The following PSMA4 variants were observed in gnomAD, a reference collection of about 807,000 sequenced individuals.
PSMA4 encodes the protein proteasome subunit alpha type-4.
A neutral mutation model predicts 37.2 loss-of-function variants in PSMA4; 8 were observed. That is an observed-to-expected ratio of 0.22 (90% CI 0.13 to 0.39). The LOEUF is 0.39. Ranked by LOEUF, PSMA4 falls within the 10% of genes least tolerant of loss-of-function variation. The probability of loss-of-function intolerance (pLI) is 1.00; values close to 1 mark genes in which losing one functional copy is unlikely to be tolerated. For synonymous variants in PSMA4, 93 were observed against 98.8 expected (o/e 0.94, Z 0.35); for missense variants, 169 against 305.1 (o/e 0.55, Z 3.32).
At chr15:78,541,583 G>C (rs1387782912) in intron 1 of PSMA4, 2 of 333,416 alleles carry the variant, frequency 6.0e-6, no homozygotes, top group South Asian at 2.6e-5. Flanking sequence ...CCTTATTTCT[G>C]CCTCTCCCAT....
rs749801980 is a variant in PSMA4 at position 78,548,953 on chromosome 15, A to G, written c.*9A>G. 1 of 1,598,858 alleles carries G rather than the reference A, an allele frequency of 6.3e-7. No individual in the cohort carries two copies. The highest frequency in any genetic ancestry group is 2.2e-5 in the East Asian group (1 of 44,726). Reference sequence around the variant, plus strand: ...AAGAAAAGGATAAATAGAATCAGAGATTTTATTACTCATTTGGGGCACCAT... The same window carrying G: ...AAGAAAAGGATAAATAGAATCAGAGGTTTTATTACTCATTTGGGGCACCAT... On this transcript the variant is annotated 3_prime_UTR_variant, in exon 9 of 9. Transcript: ENST00000044462.
chr15:78,541,529 T>G (rs2052452472), intron 1 of PSMA4: 1 of 260,074 alleles, frequency 3.8e-6, no homozygotes, highest in South Asian at 3.9e-5. Context: ...TGGAATGCCC[T>G]TCTTTCTTCC....
At position 78,546,561 on chromosome 15, in the gene PSMA4, T is replaced by C. The variant is rs1245540459; in HGVS notation, c.508-14T>C. On this transcript the variant is annotated splice_polypyrimidine_tract_variant and intron_variant, in intron 7 of 8. Transcript: ENST00000044462. ...GTAAAAACTTAAAATTCTATGTTGA[T>C]TCATGTTTTATAGGCAGCTGTGTCA... 5 of 1,569,094 alleles carry C rather than the reference T, an allele frequency of 3.2e-6. No individual in the cohort carries two copies. The highest frequency in any genetic ancestry group is 4.3e-6 in the Non-Finnish European group (5 of 1,167,388).
rs200102081 is a variant in PSMA4 at position 78,544,265 on chromosome 15, A to G, written c.285A>G (p.Gln95=). 8.7e-5 allele frequency: 140 copies of G among 1,606,026 alleles called. No individual in the cohort carries two copies. The East Asian group carries it at 3.1e-3, about 35-fold the overall frequency. ...VLTNELRLIA[Q]RYLLQYQEPI... is the part of the protein sequence containing the mutation. The stretch of plus-strand genomic sequence containing the variant: ...CTAATGAACTAAGGCTCATTGCTCA[A>G]AGGTATGGTCATAAATAGCATAACT... The change falls in exon 5 of 9, where the codon CAA becomes CAG. Residue 95 remains glutamine, a splice_region_variant and synonymous_variant. Coordinates refer to ENST00000044462, the MANE Select transcript of PSMA4 (RefSeq NM_002789.6).
chr15:78,546,621 C>A lies in PSMA4; in HGVS notation c.554C>A (p.Thr185Asn), dbSNP rs1567037856. 2 of 1,603,668 alleles carry A rather than the reference C, an allele frequency of 1.2e-6. No homozygotes were observed. ...LKQDYKEGEMTLKSALALAIK... is the reference protein window; with the variant it reads ...LKQDYKEGEMNLKSALALAIK... The stretch of plus-strand genomic sequence containing the variant: ...CAAGACTATAAAGAAGGAGAAATGA[C>A]CTTGAAGTCAGCACTTGCTTTAGCT... Residue 185 changes from threonine (T) to asparagine (N), a missense_variant, in exon 8 of 9, where the codon ACC becomes AAC. By Grantham distance (65) the Thr-to-Asn change is moderately conservative. This residue lies in a region of PSMA4 where 90 missense variants were observed against 92.7 expected (regional missense o/e 0.97). Transcript: ENST00000044462.
intron 8 of PSMA4, among the ~76,000 whole-genome samples, chr15:78,548,264 A>G (rs1478165781): frequency 6.6e-6 from 1 of 152,160 alleles, no homozygotes; most frequent in East Asian, 1.9e-4. Flanking sequence ...TGTCATTTAC[A>G]TGCAGATTGC....
intron 8 of PSMA4, among the ~76,000 whole-genome samples, chr15:78,547,482 T>C (rs2052573937): frequency 6.6e-6 from 1 of 152,252 alleles, no homozygotes; most frequent in African/African-American, 2.4e-5. Context: ...TAATCTCTTA[T>C]TTTAAGCTCA....
chr15:78,541,787 G>A, intron 1 of PSMA4, 118 bp from the exon 2 acceptor site: 2 of 847,600 alleles, frequency 2.4e-6, no homozygotes, highest in Admixed American at 2.4e-5. Flanking sequence ...CCAGCATCTA[G>A]CATAATGCCT....
rs1065640 is a variant in PSMA4 at position 78,548,915 on chromosome 15, G to A, written c.757G>A (p.Glu253Lys). Residue 253 changes from glutamate to lysine, a missense_variant, in exon 9 of 9, where the codon GAA becomes AAA. Glu to Lys is a moderately conservative substitution (Grantham distance 56). Around this residue, in one of 2 missense-constraint regions of PSMA4, gnomAD observed 90 missense variants for 92.7 expected, o/e 0.97. Coordinates refer to ENST00000044462, the MANE Select transcript of PSMA4 (RefSeq NM_002789.6). ...EEAKAEREKK[E>K]KEQKEKDK ...AGCCAAAGCTGAGCGTGAGAAGAAA[G>A]AAAAAGAACAGAAAGAAAAGGATAA... The A allele has an allele frequency of 1.2e-6, 2 of 1,606,924 alleles. No individual in the cohort carries two copies. The highest frequency in any genetic ancestry group is 1.7e-6 in the Non-Finnish European group (2 of 1,177,678).
At position 78,548,927 on chromosome 15, in the gene PSMA4, A is replaced by C; in HGVS notation, c.769A>C (p.Lys257Gln). The part of the protein sequence containing the change: ...AEREKKEKEQ[K>Q]EKDK ...GCGTGAGAAGAAAGAAAAAGAACAG[A>C]AAGAAAAGGATAAATAGAATCAGAG... The change falls in exon 9 of 9, where the codon AAA becomes CAA. Residue 257 changes from lysine to glutamine, a missense_variant. Physicochemically the swap from Lys to Gln is moderately conservative, Grantham distance 53. Transcript: ENST00000044462. The C allele has an allele frequency of 6.2e-7, 1 of 1,608,738 alleles. No individual in the cohort carries two copies. The highest frequency in any genetic ancestry group is 8.5e-7 in the Non-Finnish European group (1 of 1,178,664).
intron 8 of PSMA4, 72 bp from the exon 9 acceptor site, chr15:78,548,718 T>G: frequency 6.5e-7 from 1 of 1,533,276 alleles, no homozygotes; most frequent in Non-Finnish European, 8.7e-7. Flanking sequence ...AAACCATGAG[T>G]GCCTATTAAG....
Position 78,552,197 on chromosome 15 carries a change from CAG to C in PSMA4, c.*3254_*3255del, listed in dbSNP as rs1567042154. On this transcript the variant is annotated 3_prime_UTR_variant, in exon 9 of 9. Coordinates refer to ENST00000044462, the MANE Select transcript of PSMA4 (RefSeq NM_002789.6). The stretch of plus-strand genomic sequence containing the variant: ...GCTGCCTTAGCAATACACATCTGAA[CAG>C]GGGCCCATCACTAATAGCAAGCATT... The C allele has an allele frequency of 1.3e-5, 2 of 152,174 alleles. No homozygotes were observed. Among genetic ancestry groups the C allele is most frequent in the African/African-American group, 4.8e-5 (2 of 41,454 alleles). The allele number at this position is 152,174 out of a possible 1,614,324, so 9.4% of individuals were successfully genotyped here.
chr15:78,548,955 T>C lies in PSMA4; in HGVS notation c.*11T>C. On this transcript the variant is annotated 3_prime_UTR_variant, in exon 9 of 9. Transcript: ENST00000044462. ...GAAAAGGATAAATAGAATCAGAGAT[T>C]TTATTACTCATTTGGGGCACCATTT... The C allele has an allele frequency of 6.3e-7, 1 of 1,598,432 alleles. No homozygotes were observed. Among genetic ancestry groups the C allele is most frequent in the Non-Finnish European group, 8.5e-7 (1 of 1,174,746 alleles).
Position 78,542,850 on chromosome 15 carries a change from G to T in PSMA4, c.209+205G>T, listed in dbSNP as rs1345207804. On this transcript the variant is annotated intron_variant, in intron 4 of 8. Coordinates refer to ENST00000044462, the MANE Select transcript of PSMA4 (RefSeq NM_002789.6). ...CACTTAGTGGAGAAACTAGCATTGT[G>T]TAATGATAAGAGTACAGACTTAGTA... Among the ~76,000 whole-genome samples the T allele has an allele frequency of 2.6e-5, 4 of 152,160 alleles. 1 individual carries two copies. The highest frequency in any genetic ancestry group is 2.6e-4 in the Admixed American group (4 of 15,272).
At chr15:78,542,006 G>T (rs937824546) in intron 2 of PSMA4, 76 bp downstream of exon 2, 13 of 1,530,026 alleles carry the variant, frequency 8.5e-6, no homozygotes, top group South Asian at 4.7e-5. Flanking sequence ...GACTTGAGTG[G>T]GAAAATTGAA....
Position 78,549,035 on chromosome 15 carries a change from T to G in PSMA4, c.*91T>G. ...CTAGGAAGGCTTTACTTTTTTTAAC[T>G]GGTGCAGTGGGAAAATAGGACATTA... is the stretch of plus-strand genomic sequence containing the variant. On this transcript the variant is annotated 3_prime_UTR_variant, in exon 9 of 9. Coordinates refer to ENST00000044462, the MANE Select transcript of PSMA4 (RefSeq NM_002789.6). 1 of 1,455,914 alleles carries G rather than the reference T, an allele frequency of 6.9e-7. No individual in the cohort carries two copies. Among genetic ancestry groups the G allele is most frequent in the South Asian group, 1.6e-5 (1 of 62,632 alleles). 90.2% of individuals were successfully genotyped at this position (1,455,914 alleles called of 1,614,324 possible).
intron 5 of PSMA4, 193 bp downstream of exon 5, chr15:78,544,460 C>A: frequency 2.0e-6 from 1 of 507,932 alleles, no homozygotes; most frequent in Non-Finnish European, 3.5e-6. Context: ...ACCACCACAC[C>A]GGGTTAATTT....
intron 8 of PSMA4, among the ~76,000 whole-genome samples, chr15:78,547,889 A>C (rs976226450): frequency 5.9e-5 from 9 of 151,778 alleles, no homozygotes; most frequent in African/African-American, 2.2e-4. Context: ...GTAAATTAAC[A>C]TGTTGCTTTA....
At chr15:78,542,827 C>G (rs1237671072) in intron 4 of PSMA4, 182 bp downstream of exon 4, 1 of 599,980 alleles carries the variant, frequency 1.7e-6, no homozygotes, top group Non-Finnish European at 2.9e-6. Context: ...AGGGCAAACA[C>G]TTAGTGGAGA....
Sources: gnomAD v4.1 joint callset for allele counts (sites outside exome capture counted in the v4.1 genomes callset) on GRCh38, gnomAD v4.1.1 for gene constraint, gnomAD v4.1.1 regional missense constraint, MANE v1.5 for transcripts, NCBI Gene and HGNC (gene_info 2026-07-23, HGNC 2026-07-21) for gene names.